The following NKAIN3 variants were observed in gnomAD, a reference collection of about 807,000 sequenced individuals.
NKAIN3 encodes sodium/potassium-transporting ATPase subunit beta-1-interacting protein 3.
Under a neutral mutation model 30.2 loss-of-function variants are expected in NKAIN3, and 25 were observed. The ratio of observed to expected loss-of-function variants is 0.83; its 90% CI spans 0.60 to 1.16. The LOEUF is 1.16. Ranked by LOEUF, NKAIN3 falls within the 50% of genes most tolerant of loss-of-function variation. NKAIN3 has a pLI of 0.00. For missense variants in NKAIN3, 225 were observed against 254.1 expected (o/e 0.89, Z 0.78); for synonymous variants, 91 against 89.6 (o/e 1.02, Z -0.09).
chr8:62,380,453 G>C (rs1407365637), intron 1 of NKAIN3, among the ~76,000 whole-genome samples: 1 of 152,022 alleles, frequency 6.6e-6, no homozygotes, highest in Non-Finnish European at 1.5e-5. Context: ...TGTTTTTCTG[G>C]CTCATTAGAT....
chr8:62,353,042 A>G (rs1186419821), intron 1 of NKAIN3, among the ~76,000 whole-genome samples: 2 of 152,152 alleles, frequency 1.3e-5, no homozygotes, highest in African/African-American at 4.8e-5. Flanking sequence ...GCACTCCCAG[A>G]TGTTGTGTAG....
chr8:62,430,726 T>C (rs962318430), intron 1 of NKAIN3, among the ~76,000 whole-genome samples: 3 of 151,860 alleles, frequency 2.0e-5, no homozygotes, highest in Non-Finnish European at 2.9e-5. Flanking sequence ...GGGCTATAAA[T>C]GGGTTATGAA....
chr8:62,403,426 G>A (rs1160163282), intron 1 of NKAIN3, among the ~76,000 whole-genome samples: 3 of 152,144 alleles, frequency 2.0e-5, no homozygotes, highest in Non-Finnish European at 2.9e-5. Context: ...TTTCATTACA[G>A]GCCCAGAGGC....
At chr8:62,742,034 T>G (rs1201721104) in intron 3 of NKAIN3, among the ~76,000 whole-genome samples, 1 of 152,116 alleles carries the variant, frequency 6.6e-6, no homozygotes, top group East Asian at 1.9e-4. Context: ...TAATTTTTTC[T>G]CTACCCTTCT....
intron 4 of NKAIN3, among the ~76,000 whole-genome samples, chr8:62,915,142 G>A (rs1822052384): frequency 6.6e-6 from 1 of 152,148 alleles, no homozygotes. Flanking sequence ...CCTGCTGCGA[G>A]TCTAAATATG....
At chr8:62,723,214 A>G (rs1447833811) in intron 3 of NKAIN3, among the ~76,000 whole-genome samples, 1 of 152,222 alleles carries the variant, frequency 6.6e-6, no homozygotes, top group Non-Finnish European at 1.5e-5. Flanking sequence ...ACATTAAAAC[A>G]ACATTTATTA....
intron 1 of NKAIN3, among the ~76,000 whole-genome samples, chr8:62,442,646 T>A (rs1309373561): frequency 6.6e-6 from 1 of 151,872 alleles, no homozygotes. Context: ...TATTATAGTA[T>A]TTTTTATGTT....
At chr8:62,716,271 C>T (rs1188026226) in intron 3 of NKAIN3, among the ~76,000 whole-genome samples, 1 of 152,096 alleles carries the variant, frequency 6.6e-6, no homozygotes, top group East Asian at 1.9e-4. Flanking sequence ...AATGATAATA[C>T]GTGTCATCCC....
chr8:62,665,939 G>C (rs1291307206), intron 3 of NKAIN3, among the ~76,000 whole-genome samples: 1 of 152,146 alleles, frequency 6.6e-6, no homozygotes, highest in African/African-American at 2.4e-5. Context: ...AATTCGGCTG[G>C]GCACAATGGT....
intron 4 of NKAIN3, among the ~76,000 whole-genome samples, chr8:62,884,263 T>A (rs1215328955): frequency 4.7e-5 from 3 of 64,320 alleles, no homozygotes. Flanking sequence ...TTTAGAGAAT[T>A]TTTTTTTTTT....
At chr8:62,986,210 C>A (rs891954073), downstream of NKAIN3, among the ~76,000 whole-genome samples, 1 of 152,116 alleles carries the variant, frequency 6.6e-6, no homozygotes, top group Admixed American at 6.5e-5. Context: ...AGTGGCTAAC[C>A]CGGAGATTCA....
intron 1 of NKAIN3, among the ~76,000 whole-genome samples, chr8:62,518,637 T>C (rs1041598265): frequency 2.2e-4 from 34 of 152,098 alleles, no homozygotes; most frequent in Non-Finnish European, 4.7e-4. Context: ...TGGCATCAAG[T>C]ACATTAGGGA....
chr8:62,815,309 C>T (rs1018743070), intron 4 of NKAIN3, among the ~76,000 whole-genome samples: 18 of 152,098 alleles, frequency 1.2e-4, no homozygotes, highest in African/African-American at 4.3e-4. Context: ...GAACTGGTAC[C>T]ATTCCTTCTG....
chr8:62,651,335 C>G (rs561631410), intron 3 of NKAIN3, among the ~76,000 whole-genome samples: 28 of 152,044 alleles, frequency 1.8e-4, no homozygotes, highest in South Asian at 8.3e-4. Flanking sequence ...AGAAAGACAC[C>G]CAAAAAATCA....
At chr8:62,632,522 A>T (rs1402016049) in intron 3 of NKAIN3, among the ~76,000 whole-genome samples, 1 of 151,988 alleles carries the variant, frequency 6.6e-6, no homozygotes, top group Non-Finnish European at 1.5e-5. Flanking sequence ...TTTTTCTTTG[A>T]GATAGAATCT....
chr8:62,669,483 A>G (rs1393333740), intron 3 of NKAIN3, among the ~76,000 whole-genome samples: 2 of 152,176 alleles, frequency 1.3e-5, no homozygotes, highest in African/African-American at 4.8e-5. Flanking sequence ...CCTCTTAAAA[A>G]TGACACATCT....
At chr8:62,720,983 T>C (rs1474214797) in intron 3 of NKAIN3, among the ~76,000 whole-genome samples, 2 of 152,222 alleles carry the variant, frequency 1.3e-5, no homozygotes, top group Non-Finnish European at 2.9e-5. Context: ...TGCGTCTTTA[T>C]AGAGAGCCAC....
rs182335751 is a variant in NKAIN3 at position 62,966,788 on chromosome 8, A to C, written c.*1381A>C. On this transcript the variant is annotated 3_prime_UTR_variant, in exon 7 of 7. Coordinates refer to ENST00000623646, the MANE Select transcript of NKAIN3 (RefSeq NM_001304533.3). ...CTCCCTATAGGCCAGAAAGTTGTGA[A>C]TATGTGGTTATTAACTCAGCCCATG... Among the ~76,000 whole-genome samples the C allele has an allele frequency of 5.3e-3, 804 of 152,358 alleles. 11 individuals carry two copies. The highest frequency in any genetic ancestry group is 0.019 in the African/African-American group (782 of 41,590).
At chr8:62,853,279 C>T (rs1179973279) in intron 4 of NKAIN3, among the ~76,000 whole-genome samples, 1 of 152,110 alleles carries the variant, frequency 6.6e-6, no homozygotes, top group African/African-American at 2.4e-5. Flanking sequence ...ATTGCAACCC[C>T]TGCCTTCTTT....
Sources: gnomAD v4.1 joint callset for allele counts (sites outside exome capture counted in the v4.1 genomes callset) on GRCh38, gnomAD v4.1.1 for gene constraint, MANE v1.5 for transcripts, NCBI Gene and HGNC (gene_info 2026-07-23, HGNC 2026-07-21) for gene names.